FAM171A1: variants seen among roughly 807,000 people sequenced by gnomAD.
FAM171A1 encodes the protein protein FAM171A1.
Under a neutral mutation model 74.9 loss-of-function variants are expected in FAM171A1, and 23 were observed. The observed-to-expected ratio is 0.31, with a 90% confidence interval of 0.22 to 0.44. FAM171A1 has a LOEUF of 0.44. Among genes scored for constraint, FAM171A1 ranks in the 20% least tolerant of loss-of-function variants. FAM171A1 has a pLI of 1.00. For synonymous variants in FAM171A1, 527 were observed against 505.7 expected (o/e 1.04, Z -0.57); for missense variants, 1,162 against 1,159.2 (o/e 1.00, Z -0.03).
intron 1 of FAM171A1, among the ~76,000 whole-genome samples, chr10:15,341,011 A>G (rs1030672652): frequency 1.3e-5 from 2 of 152,172 alleles, no homozygotes; most frequent in African/African-American, 2.4e-5. Flanking sequence ...CAAATTTGCA[A>G]TCTTGTCTAT....
Position 15,308,976 on chromosome 10 carries a change from A to G in FAM171A1, c.98-24871T>C, listed in dbSNP as rs1021246149. On this transcript the variant is annotated intron_variant, in intron 1 of 7. Transcript: ENST00000378116. ...CCACTGCAGCCGGCTGACAAAGCCT[A>G]TTTTAATCAGTATTTCCATAAATTG... Among the ~76,000 whole-genome samples, 23 of 152,146 alleles carry G rather than the reference A, an allele frequency of 1.5e-4. 1 individual carries two copies. The highest frequency in any genetic ancestry group is 1.3e-3 in the Admixed American group (20 of 15,268).
chr10:15,369,250 T>A lies in FAM171A1; in HGVS notation c.97+1706A>T, dbSNP rs187010882. Among the ~76,000 whole-genome samples, 4 of 151,304 alleles carry A rather than the reference T, an allele frequency of 2.6e-5. No homozygotes were observed. In the East Asian group the frequency reaches 7.7e-4, roughly 29 times the overall value. ...TATATATATTGAAGACATGCCTTCC[T>A]TTCTCTAATTCAGAAGTGCATGAAT... On this transcript the variant is annotated intron_variant, in intron 1 of 7. Transcript: ENST00000378116.
chr10:15,368,268 C>A (rs1836090920), intron 1 of FAM171A1, among the ~76,000 whole-genome samples: 2 of 152,138 alleles, frequency 1.3e-5, no homozygotes, highest in Admixed American at 1.3e-4. Flanking sequence ...CCAATTTTAT[C>A]TTGAATATAT....
rs1265072087 is a variant in FAM171A1, at chr10:15,214,161, C to T, written c.1427G>A (p.Gly476Asp). 6.2e-7 allele frequency: 1 copy of T among 1,614,042 alleles called. No homozygotes were observed. The highest frequency in any genetic ancestry group is 8.5e-7 in the Non-Finnish European group (1 of 1,180,040). Reference protein sequence around the residue: ...LKARKSMEREGYESSGNDDYR... With the variant: ...LKARKSMEREDYESSGNDDYR... ...GTCATCATTGCCCGAGGACTCGTAG[C>T]CTTCTCTTTCCATAGATTTTCTTGC... Residue 476 changes from glycine (G) to aspartate (D), a missense_variant, in exon 8 of 8, where the codon GGC becomes GAC. Transcript: ENST00000378116.
intron 1 of FAM171A1, among the ~76,000 whole-genome samples, chr10:15,341,427 T>G (rs1157198389): frequency 6.6e-6 from 1 of 152,246 alleles, no homozygotes; most frequent in Admixed American, 6.5e-5. Context: ...TTTCGTAATA[T>G]ACATCTTTAA....
upstream of FAM171A1, among the ~76,000 whole-genome samples, chr10:15,374,543 C>T (rs1836181893): frequency 6.6e-6 from 1 of 152,184 alleles, no homozygotes; most frequent in Admixed American, 6.5e-5. Flanking sequence ...ATCAGACACC[C>T]ACTCAGTAAC....
At chr10:15,304,936 G>T (rs1277329138) in intron 1 of FAM171A1, among the ~76,000 whole-genome samples, 1 of 152,036 alleles carries the variant, frequency 6.6e-6, no homozygotes, top group Admixed American at 6.6e-5. Flanking sequence ...AGTTTCCCAT[G>T]TTGGTCATGC....
At chr10:15,250,258 T>C (rs1834490661) in intron 4 of FAM171A1, among the ~76,000 whole-genome samples, 1 of 152,194 alleles carries the variant, frequency 6.6e-6, no homozygotes, top group Admixed American at 6.5e-5. Context: ...AGATCCAAGT[T>C]TTGAAATCTC....
rs137963571 is a variant in FAM171A1, at chr10:15,246,907, C to T, written c.754+1732G>A. 2.5e-4 allele frequency among the ~76,000 whole-genome samples: 38 copies of T among 152,324 alleles called. 2 individuals carry two copies. Among genetic ancestry groups the T allele is most frequent in the African/African-American group, 7.7e-4 (32 of 41,574 alleles). On this transcript the variant is annotated intron_variant, in intron 5 of 7. Coordinates refer to ENST00000378116, the MANE Select transcript of FAM171A1 (RefSeq NM_001010924.2). ...CCCCACGCTGCCAAGACCCTCAGCCCGAGCACATGCTCGTGGGCTGGTATC... is the reference window on the plus strand; with the variant it reads ...CCCCACGCTGCCAAGACCCTCAGCCTGAGCACATGCTCGTGGGCTGGTATC...
Position 15,273,751 on chromosome 10 carries a change from A to C in FAM171A1, c.418+2104T>G, listed in dbSNP as rs112697340. ...CAACATACGCAAATCAATAAATGTA[A>C]TCCATCACATAAACAGAACCAAAGA... On this transcript the variant is annotated intron_variant, in intron 3 of 7. Transcript: ENST00000378116. Among the ~76,000 whole-genome samples the C allele has an allele frequency of 6.6e-5, 10 of 152,330 alleles. 1 individual carries two copies. The highest frequency in any genetic ancestry group is 2.2e-4 in the African/African-American group (9 of 41,568).
chr10:15,271,776 G>C (rs893189230), intron 3 of FAM171A1, among the ~76,000 whole-genome samples: 1 of 152,114 alleles, frequency 6.6e-6, no homozygotes, highest in African/African-American at 2.4e-5. Context: ...TTCATATCCA[G>C]CCAAACTAAG....
intron 1 of FAM171A1, among the ~76,000 whole-genome samples, chr10:15,293,065 T>C (rs190346978): frequency 6.6e-6 from 1 of 152,318 alleles, no homozygotes; most frequent in Admixed American, 6.5e-5. Flanking sequence ...AACTCATATG[T>C]TTATTATTAA....
rs543520677 is a variant in FAM171A1, at chr10:15,334,388, T to C, written c.97+36568A>G. 7.2e-5 allele frequency among the ~76,000 whole-genome samples: 11 copies of C among 152,322 alleles called. 1 individual carries two copies. The highest frequency in any genetic ancestry group is 2.4e-4 in the African/African-American group (10 of 41,564). On this transcript the variant is annotated intron_variant, in intron 1 of 7. Coordinates refer to ENST00000378116, the MANE Select transcript of FAM171A1 (RefSeq NM_001010924.2). ...TCAGGAGATCTGAGGGTAAATGATTTACAAAAACTTCAATGAATGAAACAT... is the reference window on the plus strand; with the variant it reads ...TCAGGAGATCTGAGGGTAAATGATTCACAAAAACTTCAATGAATGAAACAT...
chr10:15,303,021 T>G (rs533047824), intron 1 of FAM171A1, among the ~76,000 whole-genome samples: 4 of 152,108 alleles, frequency 2.6e-5, no homozygotes, highest in Non-Finnish European at 5.9e-5. Context: ...AAACCCCGTC[T>G]CTACTAAAAA....
chr10:15,225,790 C>T (rs904721623), intron 5 of FAM171A1, among the ~76,000 whole-genome samples: 1 of 152,152 alleles, frequency 6.6e-6, no homozygotes, highest in Non-Finnish European at 1.5e-5. Flanking sequence ...GTTCCTGCTG[C>T]ACGAACCAAA....
intron 5 of FAM171A1, among the ~76,000 whole-genome samples, chr10:15,229,104 T>C (rs1396299689): frequency 6.6e-6 from 1 of 152,204 alleles, no homozygotes; most frequent in Middle Eastern, 3.2e-3. Flanking sequence ...GTTCTATCAA[T>C]GAAGACGTGA....
chr10:15,274,546 A>T (rs969996749), intron 3 of FAM171A1, among the ~76,000 whole-genome samples: 2 of 152,224 alleles, frequency 1.3e-5, no homozygotes, highest in Non-Finnish European at 2.9e-5. Flanking sequence ...TTTAAAGTTC[A>T]TATGGAACCA....
At chr10:15,258,679 C>T (rs539175617) in intron 3 of FAM171A1, among the ~76,000 whole-genome samples, 2 of 152,314 alleles carry the variant, frequency 1.3e-5, no homozygotes, top group South Asian at 4.2e-4. Context: ...ATGACCACAG[C>T]TCAGCCTCCA....
chr10:15,312,846 C>A (rs992537977), intron 1 of FAM171A1, among the ~76,000 whole-genome samples: 1 of 151,326 alleles, frequency 6.6e-6, no homozygotes, highest in African/African-American at 2.4e-5. Flanking sequence ...TACAGGCCCA[C>A]CACCACGCCC....
Sources: gnomAD v4.1 joint callset for allele counts (sites outside exome capture counted in the v4.1 genomes callset) on GRCh38, gnomAD v4.1.1 for gene constraint, MANE v1.5 for transcripts, NCBI Gene and HGNC (gene_info 2026-07-23, HGNC 2026-07-21) for gene names.